Variants in FAT4 observed in about 807,000 individuals in gnomAD.
FAT4 encodes FAT atypical cadherin 4.
Under a neutral mutation model 303.9 loss-of-function variants are expected in FAT4, and 84 were observed. The ratio of observed to expected loss-of-function variants is 0.28; its 90% CI spans 0.23 to 0.33. The LOEUF is 0.33. Ranked by LOEUF, FAT4 falls within the 10% of genes least tolerant of loss-of-function variation. FAT4 has a pLI of 1.00. For missense variants in FAT4, 6,005 were observed against 6,146.8 expected, an observed-to-expected ratio of 0.98 and a Z score of 0.77; for synonymous variants, 2,307 against 2,298.8, an observed-to-expected ratio of 1.00 and a Z score of -0.10.
At chr4:125,434,156 T>G (rs904470000) in intron 7 of FAT4, 89 bp from the exon 8 acceptor site, 5 of 1,210,788 alleles carry the variant, frequency 4.1e-6, no homozygotes, top group Non-Finnish European at 5.8e-6. Context: ...TCCTAAATTC[T>G]CTTTAGTAAT....
chr4:125,389,625 G>T (rs1733902731), intron 2 of FAT4, among the ~76,000 whole-genome samples: 1 of 152,048 alleles, frequency 6.6e-6, no homozygotes, highest in Non-Finnish European at 1.5e-5. Context: ...GTCCCATATA[G>T]CTCTGGCCAG....
At chr4:125,395,326 T>C (rs1734126362) in intron 2 of FAT4, among the ~76,000 whole-genome samples, 1 of 152,200 alleles carries the variant, frequency 6.6e-6, no homozygotes, top group African/African-American at 2.4e-5. Flanking sequence ...TTATTCTTTT[T>C]TGAGACAGAG....
intron 11 of FAT4, among the ~76,000 whole-genome samples, chr4:125,466,159 T>C (rs1471589227): frequency 6.6e-6 from 1 of 152,212 alleles, no homozygotes; most frequent in Non-Finnish European, 1.5e-5. Flanking sequence ...AGGAAAAACA[T>C]AGTGCTTCAG....
Position 125,414,928 on chromosome 4 carries a change from C to T in FAT4, c.5965C>T (p.Leu1989Phe), listed in dbSNP as rs1734983392. The change falls in exon 6 of 18, where the codon CTT becomes TTT. Residue 1989 changes from leucine to phenylalanine, a missense_variant. Transcript: ENST00000394329. ...LTYSIASGDS[L>F]GQFTVDKNGV... ...TTATAGCATTGCTTCAGGTGATAGC[C>T]TTGGGCAGTTTACTGTTGACAAGAA... The T allele has an allele frequency of 1.9e-6, 3 of 1,612,740 alleles. No homozygotes were observed. Among genetic ancestry groups the T allele is most frequent in the Non-Finnish European group, 2.5e-6 (3 of 1,178,970 alleles).
chr4:125,480,738 A>C (rs940685577), intron 15 of FAT4, among the ~76,000 whole-genome samples: 1 of 152,112 alleles, frequency 6.6e-6, no homozygotes, highest in Admixed American at 6.5e-5. Flanking sequence ...GTGATTTTCA[A>C]TGTAATAAAT....
chr4:125,344,675 G>T (rs1490633431), intron 2 of FAT4, among the ~76,000 whole-genome samples: 1 of 152,028 alleles, frequency 6.6e-6, no homozygotes, highest in Non-Finnish European at 1.5e-5. Flanking sequence ...CACTGTTTTG[G>T]TCAAGAACAC....
At chr4:125,400,060 CA>C (rs1239637833) in intron 3 of FAT4, among the ~76,000 whole-genome samples, 2 of 151,724 alleles carry the variant, frequency 1.3e-5, no homozygotes, top group African/African-American at 4.8e-5. Context: ...GCAGCAATAA[CA>C]AAAAACTCAT....
intron 2 of FAT4, among the ~76,000 whole-genome samples, chr4:125,375,293 T>G (rs2125994526): frequency 6.6e-6 from 1 of 152,364 alleles, no homozygotes; most frequent in Non-Finnish European, 1.5e-5. Context: ...ATCTTAAAAT[T>G]TAATGTCATA....
At chr4:125,416,365 C>T (rs1735064207) in intron 6 of FAT4, 83 bp from the exon 7 acceptor site, 8 of 1,234,008 alleles carry the variant, frequency 6.5e-6, no homozygotes, top group South Asian at 4.6e-5. Context: ...ATAGTTTTAC[C>T]TCATTTTTTT....
intron 2 of FAT4, among the ~76,000 whole-genome samples, chr4:125,327,016 C>T (rs1472153241): frequency 6.6e-6 from 1 of 152,070 alleles, no homozygotes; most frequent in African/African-American, 2.4e-5. Context: ...CAGAATTAGA[C>T]TTTATCTCAA....
intron 2 of FAT4, among the ~76,000 whole-genome samples, chr4:125,332,044 A>G (rs1234969679): frequency 6.6e-6 from 1 of 152,084 alleles, no homozygotes; most frequent in Non-Finnish European, 1.5e-5. Context: ...ATGGCACTCT[A>G]TAAAGTTTAT....
intron 2 of FAT4, chr4:125,394,131 A>G (rs886462457): frequency 1.8e-6 from 1 of 563,714 alleles, no homozygotes; most frequent in African/African-American, 1.9e-5. Context: ...GAAAACATGG[A>G]AGTGCCTTAT....
Position 125,435,277 on chromosome 4 carries a change from C to T in FAT4, c.7199+852C>T, listed in dbSNP as rs374392668. On this transcript the variant is annotated intron_variant, in intron 8 of 17. Coordinates refer to ENST00000394329, the MANE Select transcript of FAT4 (RefSeq NM_001291303.3). The stretch of plus-strand genomic sequence containing the variant: ...CTTCTTCCATATCTATTCTAAACTA[C>T]AAGAAATGAAGATTTCCAAAGGTTC... 5.3e-5 allele frequency among the ~76,000 whole-genome samples: 8 copies of T among 152,270 alleles called. 1 individual carries two copies. The East Asian group carries it at 1.5e-3, about 29-fold the overall frequency.
At chr4:125,413,629 T>A (rs1734930016) in intron 5 of FAT4, among the ~76,000 whole-genome samples, 1 of 88,078 alleles carries the variant, frequency 1.1e-5, no homozygotes, top group South Asian at 5.3e-4. Context: ...TTAAAAACAT[T>A]GAGTTCTACA....
intron 3 of FAT4, among the ~76,000 whole-genome samples, chr4:125,404,796 A>G (rs1560801660): frequency 6.6e-6 from 1 of 152,076 alleles, no homozygotes; most frequent in Non-Finnish European, 1.5e-5. Context: ...ACCATTTTAG[A>G]TACTTCATAT....
At chr4:125,375,031 T>C (rs536627240) in intron 2 of FAT4, among the ~76,000 whole-genome samples, 2 of 152,184 alleles carry the variant, frequency 1.3e-5, no homozygotes, top group Non-Finnish European at 2.9e-5. Context: ...TAGGCACATA[T>C]TGGCATCTTC....
At chr4:125,456,402 T>A (rs963202686) in intron 10 of FAT4, among the ~76,000 whole-genome samples, 1 of 152,106 alleles carries the variant, frequency 6.6e-6, no homozygotes, top group Non-Finnish European at 1.5e-5. Context: ...TAGGAGATAA[T>A]CCAACTGATC....
chr4:125,452,360 T>A lies in FAT4; in HGVS notation c.11350T>A (p.Phe3784Ile). Residue 3784 changes from phenylalanine (F) to isoleucine (I), a missense_variant, in exon 10 of 18, where the codon TTC becomes ATC. Physicochemically the swap from Phe to Ile is conservative, Grantham distance 21. Coordinates refer to ENST00000394329, the MANE Select transcript of FAT4 (RefSeq NM_001291303.3). ...TGTGAATCCCAGTGGCGTAGCCACC[T>A]TCTTTGAAAGCATCAAAGAGATCCT... ...QYVNPSGVAT[F>I]FESIKEILLR... is the part of the protein sequence containing the mutation. 1 of 1,614,236 alleles carries A rather than the reference T, an allele frequency of 6.2e-7. No homozygotes were observed. The highest frequency in any genetic ancestry group is 8.5e-7 in the Non-Finnish European group (1 of 1,180,036).
intron 8 of FAT4, among the ~76,000 whole-genome samples, chr4:125,437,765 T>C (rs1431370828): frequency 6.6e-6 from 1 of 152,206 alleles, no homozygotes; most frequent in African/African-American, 2.4e-5. Flanking sequence ...AGTAGAACCT[T>C]GGGAATTAAG....
Sources: gnomAD v4.1 joint callset for allele counts (sites outside exome capture counted in the v4.1 genomes callset) on GRCh38, gnomAD v4.1.1 for gene constraint, MANE v1.5 for transcripts, NCBI Gene and HGNC (gene_info 2026-07-23, HGNC 2026-07-21) for gene names.